Variants in TOLLIP observed in about 807,000 individuals in gnomAD.
TOLLIP encodes toll-interacting protein.
A neutral mutation model predicts 33.5 loss-of-function variants in TOLLIP; 16 were observed. The observed-to-expected ratio is 0.48, with a 90% CI of 0.32 to 0.72. TOLLIP has a LOEUF of 0.72. TOLLIP is among the 30% of genes least tolerant of loss of function. TOLLIP has a pLI of 0.03. For missense variants in TOLLIP, 325 were observed against 396.6 expected, an observed-to-expected ratio of 0.82 and a Z score of 1.53; for synonymous variants, 176 against 163.7, an observed-to-expected ratio of 1.07 and a Z score of -0.57.
intron 5 of TOLLIP, chr11:1,283,602 C>G (rs1313819234): frequency 8.8e-6 from 4 of 454,460 alleles, no homozygotes; most frequent in South Asian, 6.2e-5. Flanking sequence ...CAATGTCTAT[C>G]AAAAGAAAAT....
rs1361525696 is a variant in TOLLIP, at chr11:1,288,761, C to T, written c.382G>A (p.Asp128Asn). 1 of 1,612,292 alleles carries T rather than the reference C, an allele frequency of 6.2e-7. No homozygotes were observed. The highest frequency in any genetic ancestry group is 8.5e-7 in the Non-Finnish European group (1 of 1,179,620). The change falls in exon 4 of 6, where the codon GAC becomes AAC. Residue 128 changes from aspartate to asparagine, a missense_variant. Asp to Asn is a conservative substitution (Grantham distance 23). Transcript: ENST00000317204. The stretch of plus-strand genomic sequence containing the variant: ...ATGTGGGTCCAGGCAATGCGGTCGT[C>T]CATGGAGAAGGCTCTCTGCGGGAGA... ...EIFDERAFSM[D>N]DRIAWTHITI... is the part of the protein sequence containing the mutation.
intron 2 of TOLLIP, chr11:1,295,385 TG>T: frequency 2.8e-6 from 1 of 358,836 alleles, no homozygotes; most frequent in Non-Finnish European, 4.9e-6. Flanking sequence ...TCAAGCCTGG[TG>T]GAAGAGCCAG....
At chr11:1,304,073 G>A (rs1277459768) in intron 1 of TOLLIP, among the ~76,000 whole-genome samples, 1 of 151,398 alleles carries the variant, frequency 6.6e-6, no homozygotes, top group Non-Finnish European at 1.5e-5. Flanking sequence ...AGTGAACTGG[G>A]AGGCAGGCCA....
In TOLLIP at chr11:1,277,688, C is replaced by T. The variant is rs564289063; in HGVS notation, c.611-435G>A. ...GACGGACTACACGGAATGTCACGCC[C>T]GCTGATCCAAACACTGCACGGTCTG... On this transcript the variant is annotated intron_variant, in intron 5 of 5. Coordinates refer to ENST00000317204, the MANE Select transcript of TOLLIP (RefSeq NM_019009.4). This position sits in a 1 kb window ranked among gnomAD's most constrained non-coding sequence, Gnocchi z 4.2. 3.3e-5 allele frequency among the ~76,000 whole-genome samples: 5 copies of T among 152,278 alleles called. No homozygotes were observed. Among genetic ancestry groups the T allele is most frequent in the South Asian group, 2.1e-4 (1 of 4,818 alleles).
intron 1 of TOLLIP, among the ~76,000 whole-genome samples, chr11:1,299,376 G>C (rs1379979184): frequency 1.3e-5 from 2 of 152,192 alleles, no homozygotes; most frequent in South Asian, 4.1e-4. Flanking sequence ...CTTCAAACGA[G>C]GAGGGAGTGC....
intron 1 of TOLLIP, among the ~76,000 whole-genome samples, chr11:1,306,475 T>C (rs1485297059): frequency 6.6e-6 from 1 of 152,112 alleles, no homozygotes; most frequent in African/African-American, 2.4e-5. Context: ...GGAGCATCTC[T>C]TTCTGCTGGA....
Position 1,309,545 on chromosome 11 carries a change from C to G in TOLLIP, c.-47G>C, listed in dbSNP as rs1392274234. The stretch of plus-strand genomic sequence containing the variant: ...GCTCGCCGACCCGACAGTGACGCGC[C>G]GGGCGACCTCCTGCGCCCCCGCCGG... On this transcript the variant is annotated 5_prime_UTR_variant, in exon 1 of 6. Coordinates refer to ENST00000317204, the MANE Select transcript of TOLLIP (RefSeq NM_019009.4). 4.1e-6 allele frequency: 5 copies of G among 1,226,194 alleles called. No homozygotes were observed. The South Asian group carries it at 1.2e-4, about 29-fold the overall frequency. The allele number at this position is 1,226,194 out of a possible 1,614,324, so 76.0% of individuals were successfully genotyped here.
intron 2 of TOLLIP, among the ~76,000 whole-genome samples, chr11:1,294,263 G>A (rs1299378260): frequency 8.8e-6 from 1 of 113,580 alleles, no homozygotes; most frequent in African/African-American, 3.7e-5. Context: ...CTCACAGTGT[G>A]TCTCCTTTCC....
At chr11:1,282,130 G>A (rs552760853) in intron 5 of TOLLIP, among the ~76,000 whole-genome samples, 5 of 152,354 alleles carry the variant, frequency 3.3e-5, no homozygotes, top group African/African-American at 7.2e-5. Context: ...CAGGGCTCCT[G>A]GGAGAAACAG....
intron 1 of TOLLIP, among the ~76,000 whole-genome samples, chr11:1,300,272 TCCC>T (rs1320176181): frequency 1.3e-5 from 2 of 152,114 alleles, no homozygotes; most frequent in African/African-American, 2.4e-5. Flanking sequence ...CTGATTCTCC[TCCC>T]CCATGTGCCG....
intron 5 of TOLLIP, among the ~76,000 whole-genome samples, chr11:1,281,536 C>G (rs1392694936): frequency 6.6e-6 from 1 of 152,228 alleles, no homozygotes; most frequent in East Asian, 1.9e-4. Context: ...GAGACCTGCA[C>G]CCTGTGCGGG....
In TOLLIP at chr11:1,275,374, AGTT is replaced by A. The variant is rs1863259738; in HGVS notation, c.*1662_*1664del. 1 of 152,178 alleles carries A rather than the reference AGTT, an allele frequency of 6.6e-6. No individual in the cohort carries two copies. The highest frequency in any genetic ancestry group is 1.5e-5 in the Non-Finnish European group (1 of 68,024). 9.4% of individuals were successfully genotyped at this position (152,178 alleles called of 1,614,324 possible). A position where few individuals can be genotyped will look rare whatever the true frequency, so the allele number is the denominator to read the frequency against. ...TGGCTTGTGGTCTGTCCTGGGTTAG[AGTT>A]GTTAATATCACGGAACATACCATCT... On this transcript the variant is annotated 3_prime_UTR_variant, in exon 6 of 6. Coordinates refer to ENST00000317204, the MANE Select transcript of TOLLIP (RefSeq NM_019009.4).
At chr11:1,289,577 T>C (rs1411997329) in intron 3 of TOLLIP, among the ~76,000 whole-genome samples, 3 of 152,286 alleles carry the variant, frequency 2.0e-5, no homozygotes, top group Admixed American at 6.5e-5. Context: ...AAATCCCACC[T>C]GCTGGTGAGC....
At position 1,284,398 on chromosome 11, in the gene TOLLIP, GA is replaced by G. The variant is rs1200706607; in HGVS notation, c.610+1603del. ...GAGTCTTGCTCTGTCACCCAGGCTG[GA>G]GTGCAGTGGCGCAATCTCGGCTCAC... On this transcript the variant is annotated intron_variant, in intron 5 of 5. Transcript: ENST00000317204. Among the ~76,000 whole-genome samples the G allele has an allele frequency of 1.7e-4, 26 of 152,056 alleles. No individual in the cohort carries two copies. The South Asian group carries it at 3.5e-3, about 21-fold the overall frequency.
At position 1,277,375 on chromosome 11, in the gene TOLLIP, G is replaced by A; in HGVS notation, c.611-122C>T. 2.5e-6 allele frequency: 2 copies of A among 789,180 alleles called. No homozygotes were observed. Among genetic ancestry groups the A allele is most frequent in the Non-Finnish European group, 3.8e-6 (2 of 521,204 alleles). The allele number at this position is 789,180 out of a possible 1,614,324, so 48.9% of individuals were successfully genotyped here. A position where few individuals can be genotyped will look rare whatever the true frequency, so the allele number is the denominator to read the frequency against. ...CTCCCTGAGGAAGGGGCCACCTCGG[G>A]TCTCAGCAAACACCAGTCCCGCAAG... On this transcript the variant is annotated intron_variant, in intron 5 of 5. Coordinates refer to ENST00000317204, the MANE Select transcript of TOLLIP (RefSeq NM_019009.4). The surrounding 1 kb of genome is among the most constrained non-coding windows in gnomAD (Gnocchi z 4.2).
At chr11:1,297,374 G>A (rs1196078647) in intron 1 of TOLLIP, among the ~76,000 whole-genome samples, 1 of 152,120 alleles carries the variant, frequency 6.6e-6, no homozygotes, top group Non-Finnish European at 1.5e-5. Flanking sequence ...AAGGCCTGGA[G>A]CGCACAAGCC....
chr11:1,283,443 C>T (rs915555413), intron 5 of TOLLIP: 6 of 426,104 alleles, frequency 1.4e-5, no homozygotes, highest in Middle Eastern at 6.0e-4. Flanking sequence ...GTGCCAGGGA[C>T]GCCCCTGCTT....
intron 1 of TOLLIP, among the ~76,000 whole-genome samples, chr11:1,299,174 C>T (rs946275131): frequency 2.0e-5 from 3 of 152,212 alleles, no homozygotes; most frequent in Non-Finnish European, 4.4e-5. Context: ...AGACTGAACA[C>T]TACAAAATTC....
At chr11:1,298,098 A>G (rs1374972100) in intron 1 of TOLLIP, 1 of 152,280 alleles carries the variant, frequency 6.6e-6, no homozygotes, top group Non-Finnish European at 1.5e-5. Context: ...GGAACGGGTT[A>G]TCTTGCAGAA....
Sources: allele counts gnomAD v4.1 joint callset (sites outside exome capture counted in the v4.1 genomes callset), GRCh38; gene constraint gnomAD v4.1.1; non-coding constraint Gnocchi (gnomAD v3.1); transcripts MANE v1.5; gene names NCBI Gene and HGNC (gene_info 2026-07-23, HGNC 2026-07-21).